Variants in XDH observed in about 807,000 individuals in gnomAD.
XDH encodes the protein xanthine dehydrogenase/oxidase.
A neutral mutation model predicts 156.1 loss-of-function variants in XDH; 138 were observed. The ratio of observed to expected loss-of-function variants is 0.88; its 90% confidence interval spans 0.77 to 1.02. The LOEUF (loss-of-function observed/expected upper bound fraction) is 1.02. XDH is among the 50% of genes least tolerant of loss of function. The pLI is 0.00. For synonymous variants in XDH, 669 were observed against 625.7 expected (o/e 1.07, Z -1.03); for missense variants, 1,849 against 1,684.9 (o/e 1.10, Z -1.71).
In XDH at chr2:31,357,776, T is replaced by C. The variant is rs576485011; in HGVS notation, c.2631+6382A>G. ...GATAGATATTGACGTTACCCTGATT[T>C]GTTTATCCTGATACACTGTATGCCT... On this transcript the variant is annotated intron_variant, in intron 24 of 35. Transcript: ENST00000379416. Among the ~76,000 whole-genome samples, 3 of 152,118 alleles carry C rather than the reference T, an allele frequency of 2.0e-5. No individual in the cohort carries two copies. The South Asian group carries it at 6.2e-4, about 31-fold the overall frequency.
chr2:31,349,802 C>T lies in XDH; in HGVS notation c.2853G>A (p.Gly951=), dbSNP rs746453730. 12 of 1,614,076 alleles carry T rather than the reference C, an allele frequency of 7.4e-6. No homozygotes were observed. In the Admixed American group the frequency reaches 1.8e-4, roughly 25 times the overall value. ...EVRRKNLYKE[G]DLTHFNQKLE... ...GCTTCTGGTTGAAGTGTGTCAGGTC[C>T]CCTTCTTTGTACAGGTTTTTTCTCC... The change falls in exon 26 of 36, where the codon GGG becomes GGA. Residue 951 remains glycine, a synonymous_variant. Coordinates refer to ENST00000379416, the MANE Select transcript of XDH (RefSeq NM_000379.4).
intron 24 of XDH, among the ~76,000 whole-genome samples, chr2:31,353,996 C>G (rs1217820109): frequency 6.6e-6 from 1 of 152,158 alleles, no homozygotes; most frequent in East Asian, 1.9e-4. Context: ...AACAAAGACA[C>G]ACCACTCTTC....
At chr2:31,354,158 T>A (rs1685565132) in intron 24 of XDH, among the ~76,000 whole-genome samples, 1 of 152,172 alleles carries the variant, frequency 6.6e-6, no homozygotes, top group Non-Finnish European at 1.5e-5. Context: ...GAAGGAGTTG[T>A]TCCTAACCTG....
intron 24 of XDH, among the ~76,000 whole-genome samples, chr2:31,359,386 C>T (rs1468647768): frequency 1.4e-5 from 2 of 145,534 alleles, no homozygotes; most frequent in Non-Finnish European, 3.0e-5. Context: ...AAAAAAAAAA[C>T]AAGGCATTTA....
rs1415406950 is a variant in XDH, at chr2:31,335,599, C to T, written c.*359G>A. 1 of 368,976 alleles carries T rather than the reference C, an allele frequency of 2.7e-6. No individual in the cohort carries two copies. Among genetic ancestry groups the T allele is most frequent in the African/African-American group, 2.1e-5 (1 of 48,264 alleles). The allele number at this position is 368,976 out of a possible 1,614,324, so 22.9% of individuals were successfully genotyped here. ...TAAGCTTCTAGAGGTTTGTGGGAAT[C>T]CTCTTCAAAGGACAGACACCATCAG... On this transcript the variant is annotated 3_prime_UTR_variant, in exon 36 of 36. Transcript: ENST00000379416.
rs757886455 is a variant in XDH at position 31,365,999 on chromosome 2, C to T, written c.2433G>A (p.Thr811=). ...ACTTATATGCAGCCAGGGCCACTGC[C>T]GTGGACACCACAGTGCTCCGGGTCT... ...GKETRSTVVS[T]AVALAAYKTG... The change falls in exon 22 of 36, where the codon ACG becomes ACA. Residue 811 remains threonine (T), a synonymous_variant. Transcript: ENST00000379416. The T allele has an allele frequency of 1.5e-5, 25 of 1,614,068 alleles. No individual in the cohort carries two copies. The highest frequency in any genetic ancestry group is 7.7e-5 in the South Asian group (7 of 91,086).
chr2:31,371,989 A>T (rs1395163859), intron 17 of XDH, among the ~76,000 whole-genome samples: 1 of 152,184 alleles, frequency 6.6e-6, no homozygotes, highest in Non-Finnish European at 1.5e-5. Flanking sequence ...GCCACTTACC[A>T]ACTGTGTGGC....
chr2:31,372,668 TA>T (rs1211381306), intron 16 of XDH, among the ~76,000 whole-genome samples: 30 of 152,222 alleles, frequency 2.0e-4, no homozygotes, highest in African/African-American at 7.0e-4. Flanking sequence ...TGCAGCCCCA[TA>T]TAACACAATA....
intron 6 of XDH, among the ~76,000 whole-genome samples, chr2:31,391,746 G>C (rs914384541): frequency 2.4e-4 from 36 of 152,152 alleles, no homozygotes; most frequent in African/African-American, 8.2e-4. Flanking sequence ...ACATTTGTTG[G>C]AGAGTATTAA....
intron 31 of XDH, among the ~76,000 whole-genome samples, chr2:31,342,710 C>CA (rs11465197): frequency 0.97 from 146,990 of 152,236 alleles, 70,979 homozygotes; most frequent in East Asian, 1. Context: ...ACTGTTCACA[C>CA]AGTTCTCCTG....
chr2:31,382,971 G>T (rs575837386), intron 11 of XDH, 30 bp downstream of exon 11: 5 of 1,613,764 alleles, frequency 3.1e-6, no homozygotes, highest in Non-Finnish European at 4.2e-6. Flanking sequence ...TCCATCCTAC[G>T]GGCCTCGCTT....
intron 1 of XDH, among the ~76,000 whole-genome samples, chr2:31,414,255 T>C (rs1291741119): frequency 6.6e-6 from 1 of 152,090 alleles, no homozygotes; most frequent in East Asian, 1.9e-4. Flanking sequence ...TTTTAGGATA[T>C]ATTTGATTAA....
chr2:31,380,504 G>T (rs927481139), intron 12 of XDH, among the ~76,000 whole-genome samples: 18 of 152,314 alleles, frequency 1.2e-4, no homozygotes, highest in African/African-American at 4.1e-4. Context: ...TGCTAGTAGA[G>T]GCTGCCTATG....
Position 31,406,399 on chromosome 2 carries a change from G to A in XDH, c.43-435C>T, listed in dbSNP as rs1687192508. ...ATGCTTGTACAGCCTGCAGAACTGT[G>A]AGCCAACTAAATCTCTTTTCTTATA... On this transcript the variant is annotated intron_variant, in intron 1 of 35. Transcript: ENST00000379416. Among the ~76,000 whole-genome samples the A allele has an allele frequency of 5.9e-5, 9 of 152,278 alleles. No individual in the cohort carries two copies. The South Asian group carries it at 1.9e-3, about 32-fold the overall frequency.
At chr2:31,337,559 C>T (rs916122057) in intron 35 of XDH, 82 bp downstream of exon 35, 45 of 1,605,800 alleles carry the variant, frequency 2.8e-5, no homozygotes, top group Non-Finnish European at 3.1e-5. Context: ...AACACCTCTC[C>T]TCTGTGCAGA....
chr2:31,410,972 G>A (rs1486052844), intron 1 of XDH, among the ~76,000 whole-genome samples: 3 of 152,096 alleles, frequency 2.0e-5, no homozygotes, highest in Non-Finnish European at 4.4e-5. Context: ...TCTATAAATG[G>A]ACTACAGTTT....
intron 25 of XDH, 66 bp from the exon 26 acceptor site, chr2:31,349,897 T>C (rs1685415162): frequency 2.5e-6 from 4 of 1,612,064 alleles, no homozygotes; most frequent in Non-Finnish European, 3.4e-6. Context: ...GGGCACAACC[T>C]AAAGTTAAGC....
intron 15 of XDH, among the ~76,000 whole-genome samples, chr2:31,374,359 G>T (rs552826650): frequency 6.6e-6 from 1 of 152,256 alleles, no homozygotes; most frequent in East Asian, 1.9e-4. Flanking sequence ...GAAGCAAAGG[G>T]GGATTTAAAG....
intron 1 of XDH, 96 bp from the exon 2 acceptor site, chr2:31,406,060 AGAGTTAGTAG>A: frequency 7.4e-7 from 1 of 1,350,936 alleles, no homozygotes; most frequent in Non-Finnish European, 1.1e-6. Context: ...AATAATTTGT[AGAGTTAGTAG>A]GAAGTGTGAT....
Sources: gnomAD v4.1 joint callset for allele counts (sites outside exome capture counted in the v4.1 genomes callset) on GRCh38, gnomAD v4.1.1 for gene constraint, MANE v1.5 for transcripts, NCBI Gene and HGNC (gene_info 2026-07-23, HGNC 2026-07-21) for gene names.